The following UVRAG variants were observed in gnomAD, a reference collection of about 807,000 sequenced individuals.
UVRAG encodes UV radiation resistance-associated gene protein.
Under a neutral mutation model 78.0 loss-of-function variants are expected in UVRAG, and 19 were observed. The observed-to-expected ratio is 0.24, with a 90% CI of 0.17 to 0.36. The LOEUF (loss-of-function observed/expected upper bound fraction) is 0.36, where lower values mean the gene tolerates loss of function less well. Ranked by LOEUF, UVRAG falls within the 10% of genes least tolerant of loss-of-function variation. UVRAG has a pLI of 1.00. For synonymous variants in UVRAG, 323 were observed against 324.6 expected, an observed-to-expected ratio of 1.00 and a Z score of 0.05; for missense variants, 740 against 853.8, an observed-to-expected ratio of 0.87 and a Z score of 1.66.
At position 76,126,342 on chromosome 11, in the gene UVRAG, T is replaced by C. The variant is rs183753486; in HGVS notation, c.1397+10327T>C. ...AAATCCAAGTTATATATCCAAAATATCTTGTAGACATGTAATAAACATTTT... is the reference window on the plus strand; with the variant it reads ...AAATCCAAGTTATATATCCAAAATACCTTGTAGACATGTAATAAACATTTT... On this transcript the variant is annotated intron_variant, in intron 14 of 14. Transcript: ENST00000356136. 3.9e-3 allele frequency among the ~76,000 whole-genome samples: 595 copies of C among 152,312 alleles called. 9 individuals carry two copies. The highest frequency in any genetic ancestry group is 0.013 in the African/African-American group (551 of 41,562).
chr11:76,048,848 C>G (rs1266261485), intron 12 of UVRAG, among the ~76,000 whole-genome samples: 1 of 152,120 alleles, frequency 6.6e-6, no homozygotes, highest in Admixed American at 6.5e-5. Context: ...AGTAGTTTAA[C>G]AGATTTATGC....
chr11:75,944,044 A>G (rs540601407), intron 6 of UVRAG, among the ~76,000 whole-genome samples: 6 of 152,224 alleles, frequency 3.9e-5, no homozygotes, highest in South Asian at 2.1e-4. Context: ...GCTCTGATCA[A>G]CCTTTCCAGC....
At position 75,863,427 on chromosome 11, in the gene UVRAG, G is replaced by A. The variant is rs534308642; in HGVS notation, c.270+1647G>A. 2.2e-4 allele frequency among the ~76,000 whole-genome samples: 34 copies of A among 152,280 alleles called. No individual in the cohort carries two copies. In the South Asian group the frequency reaches 6.6e-3, roughly 30 times the overall value. ...TCTGTTCTCTTTTCCATAGTCAAAT[G>A]TTGGGGATGGTTTTTTAATATCCAT... On this transcript the variant is annotated intron_variant, in intron 3 of 14. Coordinates refer to ENST00000356136, the MANE Select transcript of UVRAG (RefSeq NM_003369.4).
rs540303109 is a variant in UVRAG, at chr11:75,851,865, T to A, written c.118-18T>A. ...GGAAAAATCTGAATGCCTTCTCTTT[T>A]TTGTTGTTATTTTTCAGCGGCGTCT... On this transcript the variant is annotated intron_variant, in intron 1 of 14. Transcript: ENST00000356136. The A allele has an allele frequency of 3.8e-5, 60 of 1,588,956 alleles. No homozygotes were observed. The highest frequency in any genetic ancestry group is 5.1e-5 in the Non-Finnish European group (60 of 1,170,204).
At position 76,130,043 on chromosome 11, in the gene UVRAG, C is replaced by T. The variant is rs1463451273; in HGVS notation, c.1398-10668C>T. Among the ~76,000 whole-genome samples the T allele has an allele frequency of 5.9e-5, 9 of 152,250 alleles. No individual in the cohort carries two copies. In the South Asian group the frequency reaches 1.7e-3, roughly 28 times the overall value. On this transcript the variant is annotated intron_variant, in intron 14 of 14. Coordinates refer to ENST00000356136, the MANE Select transcript of UVRAG (RefSeq NM_003369.4). ...TTGTTTTCCTCCTCAGTTTTATCTT[C>T]TACCATAGAACTCTTCACTCATTGA...
intron 6 of UVRAG, among the ~76,000 whole-genome samples, chr11:75,955,760 G>C (rs528512983): frequency 2.6e-4 from 40 of 152,180 alleles, no homozygotes; most frequent in African/African-American, 9.2e-4. Context: ...CCAGTTGCAC[G>C]CTCCTGTAGT....
chr11:76,038,405 A>G (rs1381379583), intron 12 of UVRAG, among the ~76,000 whole-genome samples: 2 of 152,206 alleles, frequency 1.3e-5, no homozygotes, highest in East Asian at 3.8e-4. Flanking sequence ...AAAACAACAG[A>G]CATAACTATT....
At chr11:75,974,690 T>A (rs1305510733) in intron 7 of UVRAG, among the ~76,000 whole-genome samples, 2 of 152,150 alleles carry the variant, frequency 1.3e-5, no homozygotes, top group East Asian at 3.8e-4. Flanking sequence ...GAGAAGTGTC[T>A]GTTCATACTC....
chr11:75,999,236 GA>G (rs1207819495), intron 8 of UVRAG, among the ~76,000 whole-genome samples: 6 of 8,630 alleles, frequency 7.0e-4, no homozygotes, highest in Admixed American at 1.3e-3. Flanking sequence ...CTGCCTCAGA[GA>G]AAAAAAAAAA....
Position 76,141,452 on chromosome 11 carries a change from G to A in UVRAG, c.*39G>A, listed in dbSNP as rs1408080001. 2 of 1,572,150 alleles carry A rather than the reference G, an allele frequency of 1.3e-6. No individual in the cohort carries two copies. The highest frequency in any genetic ancestry group is 1.7e-5 in the Admixed American group (1 of 58,238). ...ACAGTAGGACTGGGGCAGAAGCTCT[G>A]CCTAAAATGAAGTGAAAGCTGCACT... is the stretch of plus-strand genomic sequence containing the variant. On this transcript the variant is annotated 3_prime_UTR_variant, in exon 15 of 15. Transcript: ENST00000356136.
chr11:75,871,215 C>T (rs1946640804), intron 3 of UVRAG, among the ~76,000 whole-genome samples: 1 of 151,752 alleles, frequency 6.6e-6, no homozygotes, highest in Non-Finnish European at 1.5e-5. Flanking sequence ...CAGAGAGAAC[C>T]TCTCTTCTGA....
rs1313717131 is a variant in UVRAG at position 75,949,780 on chromosome 11, T to TAC, written c.594-11663_594-11662insCA. ...ATATGTATACATATATACACATATA[T>TAC]ATACACACACACACATATACACACA... On this transcript the variant is annotated intron_variant, in intron 6 of 14. Coordinates refer to ENST00000356136, the MANE Select transcript of UVRAG (RefSeq NM_003369.4). Among the ~76,000 whole-genome samples, 16 of 149,072 alleles carry TAC rather than the reference T, an allele frequency of 1.1e-4. No homozygotes were observed. In the South Asian group the frequency reaches 1.3e-3, roughly 12 times the overall value.
chr11:75,994,087 G>A (rs1002200431), intron 8 of UVRAG, among the ~76,000 whole-genome samples: 10 of 152,176 alleles, frequency 6.6e-5, no homozygotes, highest in Admixed American at 2.6e-4. Context: ...TTTCACACAA[G>A]ATTTGGAGGA....
intron 8 of UVRAG, among the ~76,000 whole-genome samples, chr11:76,001,978 G>A (rs1591117604): frequency 6.6e-6 from 1 of 152,122 alleles, no homozygotes; most frequent in Non-Finnish European, 1.5e-5. Flanking sequence ...TCATTCTAGG[G>A]AGAAATTTAT....
At chr11:75,928,454 A>G (rs929714191) in intron 6 of UVRAG, among the ~76,000 whole-genome samples, 4 of 152,094 alleles carry the variant, frequency 2.6e-5, no homozygotes, top group Non-Finnish European at 5.9e-5. Context: ...TATTTCTAAG[A>G]GAGTGATTAA....
At chr11:76,076,519 C>T (rs1053882141) in intron 13 of UVRAG, among the ~76,000 whole-genome samples, 1 of 152,140 alleles carries the variant, frequency 6.6e-6, no homozygotes. Context: ...CCCACTGGGT[C>T]CCTCCCATGA....
At chr11:75,933,647 C>G (rs184603074) in intron 6 of UVRAG, among the ~76,000 whole-genome samples, 1 of 152,266 alleles carries the variant, frequency 6.6e-6, no homozygotes, top group East Asian at 1.9e-4. Flanking sequence ...GCTCAAACAA[C>G]TCTGGGAATA....
chr11:75,831,875 T>G (rs1178175661), intron 1 of UVRAG, among the ~76,000 whole-genome samples: 5 of 152,218 alleles, frequency 3.3e-5, no homozygotes, highest in African/African-American at 1.2e-4. Context: ...CTCAGACACT[T>G]TCCATTAGCC....
Position 76,008,840 on chromosome 11 carries a change from A to C in UVRAG, c.1033A>C (p.Lys345Gln). 1 of 1,496,872 alleles carries C rather than the reference A, an allele frequency of 6.7e-7. No homozygotes were observed. The highest frequency in any genetic ancestry group is 1.3e-5 in the South Asian group (1 of 76,534). The allele number at this position is 1,496,872 out of a possible 1,614,324, so 92.7% of individuals were successfully genotyped here. ...EHKDYFVCGV[K>Q]LPNSEDFQAK... ...TAAGGATTACTTTGTATGCGGTGTCAAGTTGCCTAATTCTGAGGACTTCCA... is the reference window on the plus strand; with the variant it reads ...TAAGGATTACTTTGTATGCGGTGTCCAGTTGCCTAATTCTGAGGACTTCCA... Residue 345 changes from lysine (K) to glutamine (Q), a missense_variant, in exon 11 of 15, where the codon AAG becomes CAG. Physicochemically the swap from Lys to Gln is moderately conservative, Grantham distance 53. Transcript: ENST00000356136.
Sources: allele counts gnomAD v4.1 joint callset (sites outside exome capture counted in the v4.1 genomes callset), GRCh38; gene constraint gnomAD v4.1.1; transcripts MANE v1.5; gene names NCBI Gene and HGNC (gene_info 2026-07-23, HGNC 2026-07-21).